INKA2: variants seen among roughly 807,000 people sequenced by gnomAD.
The protein encoded by INKA2 is PAK4-inhibitor INKA2.
Under a neutral mutation model 9.8 loss-of-function variants are expected in INKA2, and 3 were observed. That is an observed-to-expected ratio of 0.31 (90% CI 0.14 to 0.79). The LOEUF is 0.79. INKA2 is among the 30% of genes least tolerant of loss of function. The pLI is 0.62. For synonymous variants in INKA2, 147 were observed against 143.3 expected (o/e 1.03, Z -0.18); for missense variants, 392 against 384.4 (o/e 1.02, Z -0.17).
At chr1:111,732,039 A>C (rs903432084) in intron 1 of INKA2, among the ~76,000 whole-genome samples, 4 of 152,330 alleles carry the variant, frequency 2.6e-5, no homozygotes, top group South Asian at 2.1e-4. Flanking sequence ...GCAAGAAGGC[A>C]GCTGGGAGAG....
Position 111,723,040 on chromosome 1 carries a change from A to G in INKA2, c.*3928T>C, listed in dbSNP as rs925764485. On this transcript the variant is annotated 3_prime_UTR_variant, in exon 2 of 2. Coordinates refer to ENST00000357260, the MANE Select transcript of INKA2 (RefSeq NM_019099.5). ...CATGCTCAAGCTTCCACAGTGACAG[A>G]GGGGGCTCTCAAATCTTAACTCCAA... is the stretch of plus-strand genomic sequence containing the variant. The G allele has an allele frequency of 1.4e-6, 1 of 701,952 alleles. No homozygotes were observed. Among genetic ancestry groups the G allele is most frequent in the Non-Finnish European group, 2.6e-6 (1 of 384,588 alleles). The allele number at this position is 701,952 out of a possible 1,614,324, so 43.5% of individuals were successfully genotyped here. A position where few individuals can be genotyped will look rare whatever the true frequency, so the allele number is the denominator to read the frequency against.
At chr1:111,752,016 A>C (rs1401797778) in intron 1 of INKA2, among the ~76,000 whole-genome samples, 1 of 151,812 alleles carries the variant, frequency 6.6e-6, no homozygotes, top group Admixed American at 6.6e-5. Flanking sequence ...ATAGTGTGGC[A>C]GCTTTTGAGA....
In INKA2 at chr1:111,727,402, G is replaced by C; in HGVS notation, c.460C>G (p.Pro154Ala). 3.7e-6 allele frequency: 6 copies of C among 1,614,072 alleles called. No homozygotes were observed. Among genetic ancestry groups the C allele is most frequent in the Non-Finnish European group, 4.2e-6 (5 of 1,180,006 alleles). The change falls in exon 2 of 2, where the codon CCT becomes GCT. Residue 154 changes from proline (P) to alanine (A), a missense_variant. Transcript: ENST00000357260. ...AAAACGTTGTCCCCTAACACCAGAG[G>C]CTGTCGATTCCGGCCCCGGGACATC... is the stretch of plus-strand genomic sequence containing the variant. ...TLMSRGRNRQPLVLGDNVFAD... is the reference protein window; with the variant it reads ...TLMSRGRNRQALVLGDNVFAD...
At chr1:111,729,433 G>C (rs1344146562) in intron 1 of INKA2, among the ~76,000 whole-genome samples, 1 of 152,226 alleles carries the variant, frequency 6.6e-6, no homozygotes, top group Non-Finnish European at 1.5e-5. Context: ...CTTTGTGGGT[G>C]TCTAAGGCCT....
At chr1:111,746,933 T>C (rs1663286756) in intron 1 of INKA2, 1 of 152,230 alleles carries the variant, frequency 6.6e-6, no homozygotes, top group South Asian at 2.1e-4. Context: ...TTAACTTCTT[T>C]GGATCTCAGT....
intron 1 of INKA2, among the ~76,000 whole-genome samples, chr1:111,737,470 C>A (rs1055024261): frequency 6.6e-6 from 1 of 152,156 alleles, no homozygotes; most frequent in Non-Finnish European, 1.5e-5. Context: ...GTGGTGTAGT[C>A]CCCAATTCGA....
chr1:111,728,038 TACACACAC>T (rs60867844), intron 1 of INKA2, among the ~76,000 whole-genome samples: 31 of 109,434 alleles, frequency 2.8e-4, no homozygotes, highest in South Asian at 8.3e-4. Flanking sequence ...CCCCACCCCA[TACACACAC>T]ACACACACAC....
upstream of INKA2, chr1:111,739,495 A>AGGGCGGCCGGGAGGCCGGGCT: frequency 7.7e-7 from 1 of 1,299,768 alleles, no homozygotes; most frequent in Non-Finnish European, 1.0e-6. Flanking sequence ...GCCAATGGGC[A>AGGGCGGCCGGGAGGCCGGGCT]GGGCGGCCGG....
At chr1:111,734,335 C>A (rs1314112697) in intron 1 of INKA2, among the ~76,000 whole-genome samples, 1 of 152,226 alleles carries the variant, frequency 6.6e-6, no homozygotes, top group Admixed American at 6.5e-5. Flanking sequence ...CCACCTTTAA[C>A]TTCTCTCCGT....
rs1662805735 is a variant in INKA2 at position 111,727,383 on chromosome 1, T to C, written c.479A>G (p.Asn160Ser). 3 of 1,613,964 alleles carry C rather than the reference T, an allele frequency of 1.9e-6. No homozygotes were observed. Among genetic ancestry groups the C allele is most frequent in the Non-Finnish European group, 2.5e-6 (3 of 1,179,948 alleles). Residue 160 changes from asparagine (N) to serine (S), a missense_variant, in exon 2 of 2, where the codon AAC becomes AGC. Coordinates refer to ENST00000357260, the MANE Select transcript of INKA2 (RefSeq NM_019099.5). Reference sequence around the variant, plus strand: ...ATTGCCCACCAGGTCTGCAAAAACGTTGTCCCCTAACACCAGAGGCTGTCG... The same window carrying C: ...ATTGCCCACCAGGTCTGCAAAAACGCTGTCCCCTAACACCAGAGGCTGTCG... ...RNRQPLVLGDNVFADLVGNWL... is the reference protein window; with the variant it reads ...RNRQPLVLGDSVFADLVGNWL...
At chr1:111,742,532 C>T (rs573010175), upstream of INKA2, among the ~76,000 whole-genome samples, 21 of 152,302 alleles carry the variant, frequency 1.4e-4, 1 homozygote, top group South Asian at 3.5e-3. Flanking sequence ...TTCAGTGAGC[C>T]GAAATCGCGC....
chr1:111,738,612 G>C (rs1049803413), intron 1 of INKA2, among the ~76,000 whole-genome samples: 4 of 152,096 alleles, frequency 2.6e-5, no homozygotes, highest in Non-Finnish European at 5.9e-5. Flanking sequence ...CAGGCAGACA[G>C]CCGGCCAAGC....
At chr1:111,738,367 G>A (rs1036649078) in intron 1 of INKA2, among the ~76,000 whole-genome samples, 1 of 152,022 alleles carries the variant, frequency 6.6e-6, no homozygotes, top group Non-Finnish European at 1.5e-5. Context: ...TAGCTTTAGC[G>A]AACACCACTC....
chr1:111,755,133 G>C (rs1009388942), intron 1 of INKA2: 1 of 158,184 alleles, frequency 6.3e-6, no homozygotes, highest in Non-Finnish European at 1.4e-5. Context: ...AGGTGCTGCG[G>C]AGGCGGATGC....
intron 1 of INKA2, among the ~76,000 whole-genome samples, chr1:111,730,349 A>G (rs899759514): frequency 1.3e-4 from 20 of 151,922 alleles, no homozygotes; most frequent in African/African-American, 4.6e-4. Flanking sequence ...TCTCCATTCA[A>G]CTACCCCTGC....
chr1:111,735,365 TGCTATGTGTGAAAGAC>T (rs1248364234), intron 1 of INKA2, among the ~76,000 whole-genome samples: 2 of 152,252 alleles, frequency 1.3e-5, no homozygotes, highest in Non-Finnish European at 2.9e-5. Flanking sequence ...TCTGACACTG[TGCTATGTGTGAAAGAC>T]AAATAGTTGG....
intron 1 of INKA2, among the ~76,000 whole-genome samples, chr1:111,728,186 T>C (rs1662835498): frequency 6.6e-6 from 1 of 152,070 alleles, no homozygotes; most frequent in Admixed American, 6.5e-5. Context: ...CAGCTTGAAG[T>C]GCACAAAGCT....
chr1:111,732,568 T>TACACACACACACACACACACACACAC (rs3085876), intron 1 of INKA2, among the ~76,000 whole-genome samples: 2 of 142,864 alleles, frequency 1.4e-5, no homozygotes, highest in Non-Finnish European at 1.5e-5. Context: ...CTCTCTCTGT[T>TACACACACACACACACACACACACAC]ACACACACAC....
At chr1:111,748,274 G>A (rs576789192) in intron 1 of INKA2, among the ~76,000 whole-genome samples, 1 of 152,366 alleles carries the variant, frequency 6.6e-6, no homozygotes, top group South Asian at 2.1e-4. Context: ...CTGGCATAAT[G>A]TTGGAGGCAG....
Sources: allele counts gnomAD v4.1 joint callset (sites outside exome capture counted in the v4.1 genomes callset), GRCh38; gene constraint gnomAD v4.1.1; transcripts MANE v1.5; gene names NCBI Gene and HGNC (gene_info 2026-07-23, HGNC 2026-07-21).